Variants in PPARGC1A observed in about 807,000 individuals in gnomAD.
The protein encoded by PPARGC1A is PPARG coactivator 1 alpha.
A neutral mutation model predicts 88.7 loss-of-function variants in PPARGC1A; 25 were observed. That is an observed-to-expected ratio of 0.28 (90% confidence interval 0.21 to 0.39). The LOEUF is 0.39. Ranked by LOEUF, PPARGC1A falls within the 10% of genes least tolerant of loss-of-function variation. The pLI is 1.00. For missense variants in PPARGC1A, 880 were observed against 968.7 expected (o/e 0.91, Z 1.22); for synonymous variants, 363 against 355.6 (o/e 1.02, Z -0.24).
At chr4:23,978,005 A>T in the PPARGC1A span, among the ~76,000 whole-genome samples, 4 of 152,168 alleles carry the variant, frequency 2.6e-5, no homozygotes, top group Non-Finnish European at 4.4e-5. Flanking sequence ...TTATATCAAA[A>T]TGACACTATT....
the PPARGC1A span, among the ~76,000 whole-genome samples, chr4:24,032,117 T>C: frequency 6.6e-6 from 1 of 152,208 alleles, no homozygotes; most frequent in Admixed American, 6.5e-5. Flanking sequence ...ATAATAATAA[T>C]GATGAATAAC....
chr4:23,848,034 G>C (rs141274513), intron 2 of PPARGC1A, among the ~76,000 whole-genome samples: 4 of 152,214 alleles, frequency 2.6e-5, no homozygotes, highest in African/African-American at 9.6e-5. Flanking sequence ...CTTTCAAATT[G>C]TCTTCCCTGG....
At chr4:24,247,623 G>A in the PPARGC1A span, among the ~76,000 whole-genome samples, 1 of 152,306 alleles carries the variant, frequency 6.6e-6, no homozygotes, top group East Asian at 1.9e-4. Context: ...CACACATATT[G>A]CCAATTCCAA....
At chr4:24,019,442 T>C in the PPARGC1A span, among the ~76,000 whole-genome samples, 6 of 152,206 alleles carry the variant, frequency 3.9e-5, no homozygotes, top group Non-Finnish European at 8.8e-5. Context: ...TTTCTAGATC[T>C]CCAAGACCTG....
the PPARGC1A span, among the ~76,000 whole-genome samples, chr4:24,224,496 C>A: frequency 6.6e-6 from 1 of 152,202 alleles, no homozygotes; most frequent in Non-Finnish European, 1.5e-5. Flanking sequence ...AATGCTAACA[C>A]AATACCTGGT....
chr4:24,316,815 C>T, the PPARGC1A span, among the ~76,000 whole-genome samples: 1 of 152,146 alleles, frequency 6.6e-6, no homozygotes, highest in Non-Finnish European at 1.5e-5. Context: ...AACTAGTTTT[C>T]AAAAGTCATC....
At chr4:24,350,898 G>A in the PPARGC1A span, among the ~76,000 whole-genome samples, 1 of 152,146 alleles carries the variant, frequency 6.6e-6, no homozygotes, top group Non-Finnish European at 1.5e-5. Context: ...GGGAGGTGGG[G>A]GCAGGAGGAT....
At chr4:23,885,423 C>T (rs1266853692) in intron 1 of PPARGC1A, among the ~76,000 whole-genome samples, 1 of 152,190 alleles carries the variant, frequency 6.6e-6, no homozygotes, top group Non-Finnish European at 1.5e-5. Context: ...TCCATTTACA[C>T]TCCTTTTAAG....
chr4:23,953,408 T>C, the PPARGC1A span, among the ~76,000 whole-genome samples: 2 of 152,154 alleles, frequency 1.3e-5, no homozygotes, highest in African/African-American at 4.8e-5. Context: ...ATTACTATGT[T>C]ACAGAAACAG....
At chr4:24,246,404 AC>A in the PPARGC1A span, among the ~76,000 whole-genome samples, 15 of 152,274 alleles carry the variant, frequency 9.9e-5, no homozygotes, top group African/African-American at 3.6e-4. Flanking sequence ...CAGGCGGAGC[AC>A]TGGAGCCCAG....
chr4:24,230,425 C>T, the PPARGC1A span, among the ~76,000 whole-genome samples: 21 of 152,172 alleles, frequency 1.4e-4, no homozygotes, highest in Admixed American at 9.2e-4. Flanking sequence ...TATATGGATG[C>T]TTCATTTTAA....
the PPARGC1A span, among the ~76,000 whole-genome samples, chr4:24,142,095 C>T: frequency 3.9e-5 from 6 of 152,170 alleles, no homozygotes; most frequent in Non-Finnish European, 8.8e-5. Flanking sequence ...AATTAAATCA[C>T]CATGGCCCAC....
At chr4:24,019,744 T>C in the PPARGC1A span, among the ~76,000 whole-genome samples, 1 of 152,196 alleles carries the variant, frequency 6.6e-6, no homozygotes, top group Non-Finnish European at 1.5e-5. Context: ...ACATAAAAGT[T>C]GTTGCAGATA....
At chr4:23,959,908 C>T in the PPARGC1A span, among the ~76,000 whole-genome samples, 1 of 152,152 alleles carries the variant, frequency 6.6e-6, no homozygotes, top group South Asian at 2.1e-4. Context: ...GCAATGAGTG[C>T]CCAAAAGCAG....
the PPARGC1A span, among the ~76,000 whole-genome samples, chr4:24,115,492 C>T: frequency 6.6e-6 from 1 of 152,102 alleles, no homozygotes; most frequent in African/African-American, 2.4e-5. Flanking sequence ...TATGCAAAAA[C>T]AGACATCTCA....
At chr4:24,119,682 G>C in the PPARGC1A span, among the ~76,000 whole-genome samples, 1 of 152,056 alleles carries the variant, frequency 6.6e-6, no homozygotes, top group Non-Finnish European at 1.5e-5. Context: ...AAAATGTGCT[G>C]CATGCTTTAA....
the PPARGC1A span, among the ~76,000 whole-genome samples, chr4:24,186,328 T>C: frequency 0.76 from 116,070 of 152,074 alleles, 45,408 homozygotes; most frequent in Middle Eastern, 0.91. Context: ...GAATAGGTAT[T>C]TGGGTTTCAA....
At chr4:24,171,618 C>G in the PPARGC1A span, among the ~76,000 whole-genome samples, 2 of 152,144 alleles carry the variant, frequency 1.3e-5, no homozygotes, top group Non-Finnish European at 2.9e-5. Context: ...ATGCCTGGCA[C>G]TTGTCACTAA....
the PPARGC1A span, among the ~76,000 whole-genome samples, chr4:24,355,460 A>G: frequency 0.018 from 2,706 of 152,314 alleles, 23 homozygotes; most frequent in Middle Eastern, 0.031. Context: ...TGCCTCTTCA[A>G]TTTATGCCCT....
Sources: allele counts gnomAD v4.1 joint callset (sites outside exome capture counted in the v4.1 genomes callset), GRCh38; gene constraint gnomAD v4.1.1; transcripts MANE v1.5; gene names NCBI Gene and HGNC (gene_info 2026-07-23, HGNC 2026-07-21).